The following SKAP1 variants were observed in gnomAD, a reference collection of about 807,000 sequenced individuals.
SKAP1 encodes src kinase associated phosphoprotein 1.
Under a neutral mutation model 58.5 loss-of-function variants are expected in SKAP1, and 44 were observed. The observed-to-expected ratio is 0.75, with a 90% CI of 0.59 to 0.97. The LOEUF is 0.97. Ranked by LOEUF, SKAP1 falls within the 50% of genes least tolerant of loss-of-function variation. SKAP1 has a pLI of 0.00. For missense variants in SKAP1, 390 were observed against 435.2 expected (o/e 0.90, Z 0.92); for synonymous variants, 127 against 149.7 (o/e 0.85, Z 1.11).
At chr17:48,165,917 T>C (rs1410713633) in intron 10 of SKAP1, among the ~76,000 whole-genome samples, 1 of 152,210 alleles carries the variant, frequency 6.6e-6, no homozygotes, top group Non-Finnish European at 1.5e-5. Context: ...AGTCTGTCCA[T>C]TTGGAATGAA....
intron 4 of SKAP1, among the ~76,000 whole-genome samples, chr17:48,342,767 C>T (rs533460181): frequency 3.4e-4 from 52 of 152,216 alleles, no homozygotes; most frequent in Non-Finnish European, 5.0e-4. Context: ...GGGTGGATCA[C>T]GAAGTCAGGA....
At chr17:48,235,816 C>T (rs973989051) in intron 4 of SKAP1, among the ~76,000 whole-genome samples, 1 of 152,182 alleles carries the variant, frequency 6.6e-6, no homozygotes. Flanking sequence ...GTAATCATAG[C>T]TCTTTCTCCT....
intron 4 of SKAP1, among the ~76,000 whole-genome samples, chr17:48,338,065 CTTCT>C (rs887139952): frequency 8.0e-5 from 12 of 149,648 alleles, no homozygotes; most frequent in Admixed American, 4.0e-4. Flanking sequence ...CACTTAGTTC[CTTCT>C]TTCTTTCTTT....
At chr17:48,323,737 G>C (rs1270724896) in intron 4 of SKAP1, among the ~76,000 whole-genome samples, 1 of 151,986 alleles carries the variant, frequency 6.6e-6, no homozygotes, top group Non-Finnish European at 1.5e-5. Context: ...ATAACGAAGA[G>C]GGAGATACAT....
At chr17:48,238,369 C>T (rs1289569401) in intron 4 of SKAP1, among the ~76,000 whole-genome samples, 1 of 152,068 alleles carries the variant, frequency 6.6e-6, no homozygotes, top group Non-Finnish European at 1.5e-5. Context: ...TTCATGTAGT[C>T]ATGAAACTTG....
chr17:48,388,907 G>C (rs886191124), intron 2 of SKAP1, among the ~76,000 whole-genome samples: 1 of 152,128 alleles, frequency 6.6e-6, no homozygotes, highest in Non-Finnish European at 1.5e-5. Context: ...TGGGCCTTGT[G>C]GTTATGGTAG....
intron 4 of SKAP1, among the ~76,000 whole-genome samples, chr17:48,287,939 G>A (rs752485777): frequency 3.9e-5 from 6 of 152,104 alleles, no homozygotes; most frequent in East Asian, 1.9e-4. Context: ...ATAAAAACAC[G>A]TAACAGAATT....
chr17:48,269,957 A>G (rs570631169), intron 4 of SKAP1, among the ~76,000 whole-genome samples: 139 of 152,172 alleles, frequency 9.1e-4, no homozygotes, highest in African/African-American at 3.2e-3. Flanking sequence ...TACTAAAAAT[A>G]CAAGATTAGC....
chr17:48,157,295 GC>G (rs1490595270), intron 11 of SKAP1, among the ~76,000 whole-genome samples: 1 of 151,850 alleles, frequency 6.6e-6, no homozygotes, highest in African/African-American at 2.4e-5. Context: ...GAGCGCAGTG[GC>G]GTAATCTCGG....
At chr17:48,220,977 A>C (rs977860114) in intron 4 of SKAP1, among the ~76,000 whole-genome samples, 2 of 151,962 alleles carry the variant, frequency 1.3e-5, no homozygotes, top group African/African-American at 4.8e-5. Flanking sequence ...TTTGTTAAAA[A>C]AAATCACCAG....
chr17:48,414,046 T>A (rs1006432033), intron 1 of SKAP1, among the ~76,000 whole-genome samples: 2 of 152,216 alleles, frequency 1.3e-5, no homozygotes, highest in African/African-American at 4.8e-5. Context: ...TCAAGAAATA[T>A]TTGTTGAATG....
chr17:48,159,845 G>C (rs1306682952), intron 11 of SKAP1, among the ~76,000 whole-genome samples: 1 of 152,212 alleles, frequency 6.6e-6, no homozygotes, highest in Non-Finnish European at 1.5e-5. Context: ...AATCAAAACT[G>C]AAATGCTCCC....
intron 4 of SKAP1, chr17:48,193,606 CA>C: frequency 3.6e-6 from 3 of 829,446 alleles, no homozygotes; most frequent in Non-Finnish European, 2.9e-6. Flanking sequence ...ATCTATCTGA[CA>C]AATCCAAATA....
At chr17:48,303,197 A>G (rs2066085725) in intron 4 of SKAP1, among the ~76,000 whole-genome samples, 1 of 152,204 alleles carries the variant, frequency 6.6e-6, no homozygotes, top group African/African-American at 2.4e-5. Flanking sequence ...TTACTTCACA[A>G]GCAACTTTAA....
chr17:48,236,202 G>A (rs973574115), intron 4 of SKAP1, among the ~76,000 whole-genome samples: 1 of 152,152 alleles, frequency 6.6e-6, no homozygotes, highest in Non-Finnish European at 1.5e-5. Flanking sequence ...CATACACTGA[G>A]CACCTTCAAA....
intron 4 of SKAP1, among the ~76,000 whole-genome samples, chr17:48,274,075 C>T (rs2065667614): frequency 2.6e-5 from 4 of 152,074 alleles, no homozygotes; most frequent in Admixed American, 2.6e-4. Flanking sequence ...AGGCGTACAC[C>T]ACCATGCCTG....
At chr17:48,401,539 C>T (rs1436707975) in intron 1 of SKAP1, among the ~76,000 whole-genome samples, 2 of 151,984 alleles carry the variant, frequency 1.3e-5, no homozygotes, top group Non-Finnish European at 2.9e-5. Context: ...GTTTTTTCAA[C>T]AAATGGTGCT....
chr17:48,207,045 G>A (rs2064818671), intron 4 of SKAP1, among the ~76,000 whole-genome samples: 2 of 152,062 alleles, frequency 1.3e-5, no homozygotes, highest in Admixed American at 1.3e-4. Flanking sequence ...TCACAGTACA[G>A]CCATGTCTCC....
At chr17:48,321,006 A>C (rs1275295644) in intron 4 of SKAP1, among the ~76,000 whole-genome samples, 3 of 152,176 alleles carry the variant, frequency 2.0e-5, no homozygotes, top group Non-Finnish European at 4.4e-5. Context: ...GAGCACCCTT[A>C]GCATGTGAGG....
Sources: allele counts gnomAD v4.1 joint callset (sites outside exome capture counted in the v4.1 genomes callset), GRCh38; gene constraint gnomAD v4.1.1; transcripts MANE v1.5; gene names NCBI Gene and HGNC (gene_info 2026-07-23, HGNC 2026-07-21).